Variants in ZNF611 observed in about 807,000 individuals in gnomAD.
ZNF611 encodes zinc finger protein 611.
ZNF611 carries 6 observed loss-of-function variants against 8.9 expected under a neutral mutation model. The ratio of observed to expected loss-of-function variants is 0.68; its 90% CI spans 0.37 to 1.34. The LOEUF (loss-of-function observed/expected upper bound fraction) is 1.34, where lower values mean the gene tolerates loss of function less well. Among genes scored for constraint, ZNF611 ranks in the 40% most tolerant of loss-of-function variants. ZNF611 has a pLI of 0.02. For missense variants in ZNF611, 874 were observed against 841.3 expected (o/e 1.04, Z -0.48); for synonymous variants, 262 against 279.7 (o/e 0.94, Z 0.63).
intron 3 of ZNF611, among the ~76,000 whole-genome samples, chr19:52,725,906 C>T (rs576305210): frequency 6.6e-6 from 1 of 152,268 alleles, no homozygotes; most frequent in East Asian, 1.9e-4. Flanking sequence ...CGGACCTGTG[C>T]ATCTCTCCGC....
intron 5 of ZNF611, chr19:52,707,612 A>G (rs1460165829): frequency 1.3e-5 from 2 of 151,974 alleles, no homozygotes; most frequent in Non-Finnish European, 2.9e-5. Context: ...CTATAAGAAC[A>G]GGCACTTTGT....
rs765527160 is a variant in ZNF611, at chr19:52,714,038, T to G, written c.167A>C (p.Asn56Thr). The G allele has an allele frequency of 6.2e-7, 1 of 1,614,114 alleles. No homozygotes were observed. The highest frequency in any genetic ancestry group is 8.5e-7 in the Non-Finnish European group (1 of 1,180,014). The change falls in exon 5 of 6, where the codon AAC becomes ACC. Residue 56 changes from asparagine to threonine, a missense_variant. Coordinates refer to ENST00000652185, the MANE Select transcript of ZNF611 (RefSeq NM_001161499.2). ...RALYREVMLE[N>T]YRNLEAVDIS... ...ACCCACAGCCTCCAGGTTCCTGTAG[T>G]TCTCCAACATCACTTCCCTGTACAA... is the stretch of plus-strand genomic sequence containing the variant.
rs2062236795 is a variant in ZNF611 at position 52,705,696 on chromosome 19, A to G, written c.1359T>C (p.Ser453=). ...CHHRLHGGEK[S]YKCKVCDKAF... is the part of the protein sequence containing the mutation. Reference sequence around the variant, plus strand: ...CCTTGTCACAAACCTTACATTTGTAAGATTTCTCTCCACCATGAAGTCTAT... The same window carrying G: ...CCTTGTCACAAACCTTACATTTGTAGGATTTCTCTCCACCATGAAGTCTAT... The change falls in exon 6 of 6, where the codon TCT becomes TCC. Residue 453 remains serine (S), a synonymous_variant. Transcript: ENST00000652185. The G allele has an allele frequency of 1.9e-6, 3 of 1,613,802 alleles. No homozygotes were observed. The highest frequency in any genetic ancestry group is 2.5e-6 in the Non-Finnish European group (3 of 1,179,914).
intron 5 of ZNF611, among the ~76,000 whole-genome samples, chr19:52,707,731 T>C (rs955531606): frequency 6.6e-6 from 1 of 151,934 alleles, no homozygotes; most frequent in African/African-American, 2.4e-5. Context: ...GCCTCCTGGG[T>C]TGAAGTGATT....
At chr19:52,723,442 G>C (rs921810663) in intron 3 of ZNF611, 3 of 151,722 alleles carry the variant, frequency 2.0e-5, no homozygotes, top group Non-Finnish European at 2.9e-5. Flanking sequence ...TTTTAGTAGA[G>C]ACGGGGTTTC....
chr19:52,717,224 C>A (rs2062323419), intron 3 of ZNF611, among the ~76,000 whole-genome samples: 1 of 152,132 alleles, frequency 6.6e-6, no homozygotes, highest in South Asian at 2.1e-4. Context: ...TTAAGCTCTG[C>A]CCCGACTATC....
At chr19:52,721,118 G>C (rs12327833) in intron 3 of ZNF611, 1 of 153,652 alleles carries the variant, frequency 6.5e-6, no homozygotes, top group African/African-American at 2.4e-5. Flanking sequence ...CTTCCCAAAC[G>C]GGGTGGTGGC....
rs915548449 is a variant in ZNF611 at position 52,703,269 on chromosome 19, G to C, written c.*1668C>G. ...ATTATACGAGAAGAAAAGCATTTTT[G>C]AGGTCTTTTTTTGTTATTTTTTGTT... On this transcript the variant is annotated 3_prime_UTR_variant, in exon 6 of 6. Coordinates refer to ENST00000652185, the MANE Select transcript of ZNF611 (RefSeq NM_001161499.2). The C allele has an allele frequency of 6.6e-6, 1 of 152,002 alleles. No homozygotes were observed. The highest frequency in any genetic ancestry group is 2.4e-5 in the African/African-American group (1 of 41,380). 9.4% of individuals were successfully genotyped at this position (152,002 alleles called of 1,614,324 possible). A position where few individuals can be genotyped will look rare whatever the true frequency, so the allele number is the denominator to read the frequency against.
intron 5 of ZNF611, chr19:52,708,049 G>T (rs1455368170): frequency 6.6e-6 from 1 of 152,070 alleles, no homozygotes; most frequent in Non-Finnish European, 1.5e-5. Flanking sequence ...GATAAAACCA[G>T]CAAGCAAATA....
rs760467320 is a variant in ZNF611, at chr19:52,704,916, T to A, written c.*21A>T. ...TAAGGTGTGATTTCCAAATGGAAAC[T>A]TTGTCACATGCTTCACATTTCTAAG... On this transcript the variant is annotated 3_prime_UTR_variant, in exon 6 of 6. Transcript: ENST00000652185. The A allele has an allele frequency of 6.2e-7, 1 of 1,612,794 alleles. No homozygotes were observed. The highest frequency in any genetic ancestry group is 8.5e-7 in the Non-Finnish European group (1 of 1,179,340).
rs371627030 is a variant in ZNF611 at position 52,705,550 on chromosome 19, G to A, written c.1505C>T (p.Ser502Leu). ...GTAAGGTTGCTCCCCAGTATGAATT[G>A]ACTTATGAATTAAAAGATCTGAATT... ...GQNSDLLIHK[S>L]IHTGEQPYKC... The change falls in exon 6 of 6, where the codon TCA becomes TTA. Residue 502 changes from serine to leucine, a missense_variant. Physicochemically the swap from Ser to Leu is moderately radical, Grantham distance 145. Coordinates refer to ENST00000652185, the MANE Select transcript of ZNF611 (RefSeq NM_001161499.2). 6.2e-7 allele frequency: 1 copy of A among 1,613,446 alleles called. No homozygotes were observed. Among genetic ancestry groups the A allele is most frequent in the South Asian group, 1.1e-5 (1 of 91,028 alleles).
In ZNF611 at chr19:52,703,822, A is replaced by C. The variant is rs1568597816; in HGVS notation, c.*1115T>G. On this transcript the variant is annotated 3_prime_UTR_variant, in exon 6 of 6. Coordinates refer to ENST00000652185, the MANE Select transcript of ZNF611 (RefSeq NM_001161499.2). ...TAGCCAGGAAAGTCTCGATCTCCTGACCCCGTGATCTGCCTGCCTCGGCCT... is the reference window on the plus strand; with the variant it reads ...TAGCCAGGAAAGTCTCGATCTCCTGCCCCCGTGATCTGCCTGCCTCGGCCT... 1 of 152,464 alleles carries C rather than the reference A, an allele frequency of 6.6e-6. No individual in the cohort carries two copies. Among genetic ancestry groups the C allele is most frequent in the Non-Finnish European group, 1.5e-5 (1 of 68,552 alleles). The allele number at this position is 152,464 out of a possible 1,614,324, so 9.4% of individuals were successfully genotyped here. A position where few individuals can be genotyped will look rare whatever the true frequency, so the allele number is the denominator to read the frequency against.
At chr19:52,726,737 T>C (rs1015324791) in intron 3 of ZNF611, among the ~76,000 whole-genome samples, 1 of 151,812 alleles carries the variant, frequency 6.6e-6, no homozygotes, top group Non-Finnish European at 1.5e-5. Flanking sequence ...TTTTTTTTTT[T>C]TTCTTTTTAA....
intron 5 of ZNF611, among the ~76,000 whole-genome samples, chr19:52,712,626 A>C (rs2062288481): frequency 2.0e-5 from 3 of 148,398 alleles, no homozygotes; most frequent in Admixed American, 6.8e-5. Context: ...TGACAGAGCA[A>C]TACTCCGTCT....
At chr19:52,719,314 G>T (rs1467207631) in intron 3 of ZNF611, among the ~76,000 whole-genome samples, 2 of 150,878 alleles carry the variant, frequency 1.3e-5, no homozygotes, top group Non-Finnish European at 2.9e-5. Context: ...TATAGTAACA[G>T]AGACTCAGTC....
intron 3 of ZNF611, among the ~76,000 whole-genome samples, chr19:52,721,737 G>C (rs1259277760): frequency 1.3e-5 from 2 of 151,364 alleles, no homozygotes; most frequent in East Asian, 3.9e-4. Flanking sequence ...GAGGGAAAGG[G>C]AGAGGGAGAG....
chr19:52,706,952 C>G, intron 5 of ZNF611, 88 bp from the exon 6 acceptor site: 2 of 1,516,398 alleles, frequency 1.3e-6, no homozygotes, highest in Non-Finnish European at 8.8e-7. Context: ...AAAAACGATA[C>G]TTATTTTGAA....
Position 52,704,999 on chromosome 19 carries a change from C to G in ZNF611, c.2056G>C (p.Ala686Pro), listed in dbSNP as rs373661599. The change falls in exon 6 of 6, where the codon GCT (alanine) becomes CCT (proline). Residue 686 changes from alanine to proline, a missense_variant. Coordinates refer to ENST00000652185, the MANE Select transcript of ZNF611 (RefSeq NM_001161499.2). ...KPYKCNECGK[A>P]FNQQSHLSRH... ...GAAAGGTGTGATTGTTGATTAAAAG[C>G]CTTCCCACATTCATTACACTTGTAA... 6.2e-7 allele frequency: 1 copy of G among 1,614,140 alleles called. No individual in the cohort carries two copies. The highest frequency in any genetic ancestry group is 8.5e-7 in the Non-Finnish European group (1 of 1,180,030).
intron 1 of ZNF611, among the ~76,000 whole-genome samples, chr19:52,734,157 C>G (rs1175892197): frequency 4.0e-5 from 6 of 151,422 alleles, no homozygotes; most frequent in Non-Finnish European, 8.8e-5. Context: ...CTACATTTCT[C>G]CGGTTGCTTT....
Sources: gnomAD v4.1 joint callset for allele counts (sites outside exome capture counted in the v4.1 genomes callset) on GRCh38, gnomAD v4.1.1 for gene constraint, MANE v1.5 for transcripts, NCBI Gene and HGNC (gene_info 2026-07-23, HGNC 2026-07-21) for gene names.